Variants in LRP1B observed in about 807,000 individuals in gnomAD.
LRP1B encodes the protein LDL receptor related protein 1B.
In LRP1B, 217 loss-of-function variants were observed where a neutral mutation model predicts 556.6. That is an observed-to-expected ratio of 0.39 (90% CI 0.35 to 0.44). The LOEUF is 0.44. Ranked by LOEUF, LRP1B falls within the 20% of genes least tolerant of loss-of-function variation. The pLI is 1.00. For missense variants in LRP1B, 5,053 were observed against 5,620.8 expected (o/e 0.90, Z 3.23); for synonymous variants, 2,047 against 1,865.8 (o/e 1.10, Z -2.50).
chr2:141,212,180 A>T (rs2105254759), intron 6 of LRP1B, among the ~76,000 whole-genome samples: 1 of 147,300 alleles, frequency 6.8e-6, no homozygotes, highest in Admixed American at 6.9e-5. Flanking sequence ...ATATAAAATC[A>T]GTTACTGCAG....
chr2:141,205,290 A>T (rs1682223738), intron 6 of LRP1B, among the ~76,000 whole-genome samples: 1 of 152,196 alleles, frequency 6.6e-6, no homozygotes, highest in African/African-American at 2.4e-5. Context: ...TAACTTGTAT[A>T]ATTCGAGAGG....
At chr2:140,898,747 C>T in intron 23 of LRP1B, 2 of 570,258 alleles carry the variant, frequency 3.5e-6, no homozygotes, top group South Asian at 1.5e-5. Flanking sequence ...CAACTCTCTA[C>T]CCTCAAGACC....
intron 2 of LRP1B, among the ~76,000 whole-genome samples, chr2:141,777,604 G>A (rs557326042): frequency 1.3e-5 from 2 of 151,992 alleles, no homozygotes; most frequent in African/African-American, 2.4e-5. Flanking sequence ...TAGTAGAGAC[G>A]GAGTTTCACC....
chr2:141,995,348 A>G (rs1462648552), intron 1 of LRP1B, among the ~76,000 whole-genome samples: 1 of 152,140 alleles, frequency 6.6e-6, no homozygotes, highest in Non-Finnish European at 1.5e-5. Context: ...GACACAAAGA[A>G]TGGCTACCTG....
At chr2:141,126,602 G>T (rs1701218867) in intron 7 of LRP1B, among the ~76,000 whole-genome samples, 1 of 151,868 alleles carries the variant, frequency 6.6e-6, no homozygotes. Flanking sequence ...CATTCTTCAT[G>T]ATGTTACTGC....
chr2:141,583,132 G>C (rs1054565922), intron 2 of LRP1B, among the ~76,000 whole-genome samples: 1 of 151,930 alleles, frequency 6.6e-6, no homozygotes, highest in African/African-American at 2.4e-5. Context: ...CACCACGCCC[G>C]GCCAACAATA....
chr2:141,870,036 A>G (rs1465899286), intron 1 of LRP1B, among the ~76,000 whole-genome samples: 5 of 152,042 alleles, frequency 3.3e-5, no homozygotes, highest in African/African-American at 1.2e-4. Context: ...AATGTTTAGA[A>G]AAGTGGCTGC....
intron 3 of LRP1B, among the ~76,000 whole-genome samples, chr2:141,368,464 G>A (rs77807748): frequency 0.042 from 6,377 of 152,262 alleles, 186 homozygotes; most frequent in Non-Finnish European, 0.064. Context: ...TGTTGATGGA[G>A]AAGTTCCTTA....
intron 1 of LRP1B, among the ~76,000 whole-genome samples, chr2:141,915,558 T>G (rs1261165561): frequency 6.6e-6 from 1 of 151,696 alleles, no homozygotes; most frequent in East Asian, 1.9e-4. Context: ...CAAAAGAAAT[T>G]GCAACAAAAA....
At chr2:140,425,751 T>A (rs1260370741) in intron 66 of LRP1B, among the ~76,000 whole-genome samples, 7 of 152,148 alleles carry the variant, frequency 4.6e-5, no homozygotes, top group Admixed American at 4.6e-4. Flanking sequence ...GAACTCACAC[T>A]CCCTGAGCTT....
intron 3 of LRP1B, among the ~76,000 whole-genome samples, chr2:141,297,958 A>G (rs1686245779): frequency 6.6e-6 from 1 of 152,182 alleles, no homozygotes; most frequent in Non-Finnish European, 1.5e-5. Flanking sequence ...AGGTCTGTGT[A>G]AGTACACTCT....
chr2:141,314,879 C>T (rs186037070), intron 3 of LRP1B, among the ~76,000 whole-genome samples: 5,901 of 99,440 alleles, frequency 0.059, 139 homozygotes, highest in South Asian at 0.13. Flanking sequence ...TATATACATA[C>T]ATATATACAT....
chr2:141,302,783 G>A (rs564262549), intron 3 of LRP1B, among the ~76,000 whole-genome samples: 1 of 152,158 alleles, frequency 6.6e-6, no homozygotes. Flanking sequence ...TATTTGGATA[G>A]ATTATATTTC....
intron 2 of LRP1B, among the ~76,000 whole-genome samples, chr2:141,485,720 C>T (rs1335486748): frequency 6.6e-6 from 1 of 152,138 alleles, no homozygotes; most frequent in Non-Finnish European, 1.5e-5. Flanking sequence ...AGAAGAGCCA[C>T]TCTGATTACT....
At chr2:140,675,403 G>A (rs891771544) in intron 41 of LRP1B, among the ~76,000 whole-genome samples, 1 of 152,082 alleles carries the variant, frequency 6.6e-6, no homozygotes, top group Non-Finnish European at 1.5e-5. Context: ...AAGAATAAGT[G>A]AATAATTCAA....
intron 18 of LRP1B, among the ~76,000 whole-genome samples, chr2:140,964,174 G>T (rs370200670): frequency 1.5e-4 from 23 of 152,226 alleles, no homozygotes; most frequent in Non-Finnish European, 3.1e-4. Flanking sequence ...GACAGCTTAC[G>T]CCATTATTTC....
Position 141,441,302 on chromosome 2 carries a change from G to A in LRP1B, c.343+39094C>T, listed in dbSNP as rs539605659. 2.0e-5 allele frequency among the ~76,000 whole-genome samples: 3 copies of A among 151,976 alleles called. No individual in the cohort carries two copies. In the East Asian group the frequency reaches 5.9e-4, roughly 30 times the overall value. ...CAAATTGGTCAGGCTAGTCTTGAAC[G>A]CCTGACTGCAGATGATCCACCCATC... On this transcript the variant is annotated intron_variant, in intron 3 of 90. Transcript: ENST00000389484.
At chr2:141,765,066 A>G (rs1694690228) in intron 2 of LRP1B, among the ~76,000 whole-genome samples, 1 of 150,882 alleles carries the variant, frequency 6.6e-6, no homozygotes, top group African/African-American at 2.4e-5. Context: ...CCTGCCTGAA[A>G]GAATGAGGCC....
At chr2:140,288,280 T>C (rs1402269684) in intron 84 of LRP1B, among the ~76,000 whole-genome samples, 1 of 151,670 alleles carries the variant, frequency 6.6e-6, no homozygotes, top group African/African-American at 2.4e-5. Context: ...ATATCTTTTA[T>C]ATAAAACAGA....
Sources: gnomAD v4.1 joint callset for allele counts (sites outside exome capture counted in the v4.1 genomes callset) on GRCh38, gnomAD v4.1.1 for gene constraint, MANE v1.5 for transcripts, NCBI Gene and HGNC (gene_info 2026-07-23, HGNC 2026-07-21) for gene names.